The following WDR64 variants were observed in gnomAD, a reference collection of about 807,000 sequenced individuals.
WDR64 encodes WD repeat-containing protein 64.
Under a neutral mutation model 139.3 loss-of-function variants are expected in WDR64, and 112 were observed. The ratio of observed to expected loss-of-function variants is 0.80; its 90% confidence interval spans 0.69 to 0.94. WDR64 has a LOEUF of 0.94. Ranked by LOEUF, WDR64 falls within the 40% of genes least tolerant of loss-of-function variation. WDR64 has a pLI of 0.00. For missense variants in WDR64, 1,206 were observed against 1,293.1 expected (o/e 0.93, Z 1.03); for synonymous variants, 444 against 437.7 (o/e 1.01, Z -0.18).
intron 21 of WDR64, among the ~76,000 whole-genome samples, chr1:241,776,578 G>A (rs1287721546): frequency 6.6e-6 from 1 of 151,826 alleles, no homozygotes; most frequent in South Asian, 2.1e-4. Flanking sequence ...TTTTACATTA[G>A]GATATTCTTA....
At chr1:241,779,650 A>G (rs1193669336) in intron 21 of WDR64, among the ~76,000 whole-genome samples, 2 of 152,074 alleles carry the variant, frequency 1.3e-5, no homozygotes, top group Non-Finnish European at 2.9e-5. Context: ...ACATGGTGAA[A>G]CCCTGTCTCT....
intron 27 of WDR64, 94 bp from the exon 28 acceptor site, chr1:241,801,038 A>G (rs1238531509): frequency 2.2e-6 from 2 of 923,856 alleles, no homozygotes; most frequent in Non-Finnish European, 3.4e-6. Context: ...GAGGATTAAA[A>G]TCTCTATGTA....
intron 2 of WDR64, among the ~76,000 whole-genome samples, chr1:241,669,918 T>C (rs1000642308): frequency 6.6e-6 from 1 of 152,180 alleles, no homozygotes; most frequent in Non-Finnish European, 1.5e-5. Context: ...CCAGACCTAC[T>C]GAAGCCAAAT....
At chr1:241,733,269 G>A (rs1425747724) in intron 10 of WDR64, among the ~76,000 whole-genome samples, 1 of 152,146 alleles carries the variant, frequency 6.6e-6, no homozygotes, top group Non-Finnish European at 1.5e-5. Context: ...GAAGTCAGGA[G>A]TTTAAGACTA....
In WDR64 at chr1:241,683,717, A is replaced by G. The variant is rs1666906141; in HGVS notation, c.839+16A>G. ...ACTTTAAAAGGTAAGAGTATCATAC[A>G]GTTAATTTAATTCTTTTAATAATTA... On this transcript the variant is annotated intron_variant, in intron 7 of 27. Coordinates refer to ENST00000437684, the MANE Select transcript of WDR64 (RefSeq NM_001367482.1). The G allele has an allele frequency of 6.8e-7, 1 of 1,465,740 alleles. No individual in the cohort carries two copies. Among genetic ancestry groups the G allele is most frequent in the African/African-American group, 1.4e-5 (1 of 70,562 alleles). 90.8% of individuals were successfully genotyped at this position (1,465,740 alleles called of 1,614,324 possible).
intron 15 of WDR64, among the ~76,000 whole-genome samples, chr1:241,762,495 C>G (rs1440637018): frequency 6.6e-6 from 1 of 152,064 alleles, no homozygotes; most frequent in South Asian, 2.1e-4. Context: ...AAAACTGTAC[C>G]TTTTTGTTCC....
chr1:241,738,430 C>A lies in WDR64; in HGVS notation c.1262C>A (p.Pro421Gln), dbSNP rs762658250. The A allele has an allele frequency of 6.2e-7, 1 of 1,613,810 alleles. No homozygotes were observed. The highest frequency in any genetic ancestry group is 8.5e-7 in the Non-Finnish European group (1 of 1,179,850). ...GTCTTCCATGACAGCCAGGGAGGAC[C>A]AGGAGACATGCAGATTTACTCTATG... The part of the protein sequence containing the change: ...LQVFHDSQGG[P>Q]GDMQIYSMIY... Residue 421 changes from proline to glutamine, a missense_variant, in exon 11 of 28, where the codon CCA becomes CAA. Coordinates refer to ENST00000437684, the MANE Select transcript of WDR64 (RefSeq NM_001367482.1).
At position 241,662,725 on chromosome 1, in the gene WDR64, G is replaced by C. The variant is rs142906530; in HGVS notation, c.276+2065G>C. ...GGGAAGAGGAGGACATTTTAGAATA[G>C]GTCCACCATAGAGACTTACCAGAAA... is the stretch of plus-strand genomic sequence containing the variant. On this transcript the variant is annotated intron_variant, in intron 2 of 27. Transcript: ENST00000437684. Among the ~76,000 whole-genome samples the C allele has an allele frequency of 7.6e-3, 1,155 of 152,146 alleles. 15 individuals are homozygous for C. Among genetic ancestry groups the C allele is most frequent in the Middle Eastern group, 0.017 (5 of 294 alleles).
intron 8 of WDR64, among the ~76,000 whole-genome samples, chr1:241,690,476 A>AC (rs1352018549): frequency 1.3e-5 from 2 of 152,120 alleles, no homozygotes; most frequent in African/African-American, 4.8e-5. Flanking sequence ...GTCAAAAAAA[A>AC]AACAAAAACT....
intron 21 of WDR64, among the ~76,000 whole-genome samples, chr1:241,775,540 A>C (rs1658629021): frequency 6.6e-6 from 1 of 152,138 alleles, no homozygotes; most frequent in Admixed American, 6.5e-5. Flanking sequence ...ATGTTGCATT[A>C]ATCTTAATTA....
chr1:241,715,615 T>C (rs542823379), intron 9 of WDR64, among the ~76,000 whole-genome samples: 1 of 152,214 alleles, frequency 6.6e-6, no homozygotes, highest in Admixed American at 6.5e-5. Context: ...ACCCTGCACA[T>C]GAAACCCTTT....
rs748944271 is a variant in WDR64 at position 241,660,544 on chromosome 1, G to C, written c.160G>C (p.Asp54His). ...TTTCAATGCAGATGCAATTGGTTAT[G>C]ACAAGTTTTATGCATCGGTACAGAA... Reference protein sequence around the residue: ...FIHKEDAIGYDKFYASVQKLF... With the variant: ...FIHKEDAIGYHKFYASVQKLF... The change falls in exon 2 of 28, where the codon GAC becomes CAC. Residue 54 changes from aspartate to histidine, a missense_variant. Coordinates refer to ENST00000437684, the MANE Select transcript of WDR64 (RefSeq NM_001367482.1). The C allele has an allele frequency of 9.7e-6, 15 of 1,551,656 alleles. No individual in the cohort carries two copies. The South Asian group carries it at 1.7e-4, about 17-fold the overall frequency.
rs529498546 is a variant in WDR64, at chr1:241,795,492, G to A, written c.3078+205G>A. The stretch of plus-strand genomic sequence containing the variant: ...GGGTCCCTTGTCTCTGCCATACCAC[G>A]TGGTGGTTATTTTGAACGTTACTCT... On this transcript the variant is annotated intron_variant, in intron 26 of 27. Coordinates refer to ENST00000437684, the MANE Select transcript of WDR64 (RefSeq NM_001367482.1). Among the ~76,000 whole-genome samples, 4 of 152,276 alleles carry A rather than the reference G, an allele frequency of 2.6e-5. No individual in the cohort carries two copies. In the East Asian group the frequency reaches 7.7e-4, roughly 29 times the overall value.
At chr1:241,720,718 G>A (rs888683547) in intron 9 of WDR64, among the ~76,000 whole-genome samples, 10 of 152,242 alleles carry the variant, frequency 6.6e-5, no homozygotes, top group African/African-American at 2.4e-4. Flanking sequence ...CAGATGGATA[G>A]ATTGCAAAAA....
At position 241,703,687 on chromosome 1, in the gene WDR64, T is replaced by C. The variant is rs1388940932; in HGVS notation, c.975-8115T>C. 2.0e-5 allele frequency among the ~76,000 whole-genome samples: 3 copies of C among 152,176 alleles called. No individual in the cohort carries two copies. Among genetic ancestry groups the C allele is most frequent in the Non-Finnish European group, 2.9e-5 (2 of 68,036 alleles). On this transcript the variant is annotated intron_variant, in intron 8 of 27. Transcript: ENST00000437684. The surrounding 1 kb of genome is among the most constrained non-coding windows in gnomAD (Gnocchi z 5.9). ...CTTCTATATTCAAAGAACCGTTGTG[T>C]ATTAATCCATTTTCACACTGCTATA...
chr1:241,772,745 G>A lies in WDR64; in HGVS notation c.2291-47G>A, dbSNP rs148605135. 2.9e-5 allele frequency: 44 copies of A among 1,541,168 alleles called. No homozygotes were observed. The Admixed American group carries it at 8.3e-4, about 29-fold the overall frequency. On this transcript the variant is annotated intron_variant, in intron 19 of 27. Coordinates refer to ENST00000437684, the MANE Select transcript of WDR64 (RefSeq NM_001367482.1). ...CCCAAAGTGCTGGGATTACAGGTGTGAGCCACCACGCCTGGCCTCATGATA... is the reference window on the plus strand; with the variant it reads ...CCCAAAGTGCTGGGATTACAGGTGTAAGCCACCACGCCTGGCCTCATGATA...
At chr1:241,784,952 T>TGGAAAAA (rs201471945) in intron 23 of WDR64, among the ~76,000 whole-genome samples, 1 of 55,312 alleles carries the variant, frequency 1.8e-5, no homozygotes, top group Non-Finnish European at 3.2e-5. Context: ...AGACTCTGTC[T>TGGAAAAA]GAAAAAAAAA....
chr1:241,720,467 T>C (rs1193009979), intron 9 of WDR64, among the ~76,000 whole-genome samples: 2 of 152,174 alleles, frequency 1.3e-5, no homozygotes, highest in African/African-American at 4.8e-5. Flanking sequence ...CAGCATCTCT[T>C]GTTTCTGGAC....
chr1:241,702,126 C>T (rs891936328), intron 8 of WDR64, among the ~76,000 whole-genome samples: 9 of 152,360 alleles, frequency 5.9e-5, no homozygotes, highest in African/African-American at 2.2e-4. Context: ...TGTTGCAAGA[C>T]ATAAGCTGAA....
Sources: allele counts gnomAD v4.1 joint callset (sites outside exome capture counted in the v4.1 genomes callset), GRCh38; gene constraint gnomAD v4.1.1; non-coding constraint Gnocchi (gnomAD v3.1); transcripts MANE v1.5; gene names NCBI Gene and HGNC (gene_info 2026-07-23, HGNC 2026-07-21).